HS2ST1: variants seen among roughly 807,000 people sequenced by gnomAD.
HS2ST1 encodes 2-O-sulfotransferase.
Under a neutral mutation model 42.9 loss-of-function variants are expected in HS2ST1, and 18 were observed. The observed-to-expected ratio is 0.42, with a 90% CI of 0.29 to 0.62. HS2ST1 has a LOEUF of 0.62. HS2ST1 is among the 20% of genes least tolerant of loss of function. The probability of loss-of-function intolerance (pLI) is 0.21; values close to 1 mark genes in which losing one functional copy is unlikely to be tolerated. For missense variants in HS2ST1, 334 were observed against 433.8 expected (o/e 0.77, Z 2.04); for synonymous variants, 146 against 152.9 (o/e 0.95, Z 0.33).
chr1:86,986,439 G>T (rs912627559), intron 1 of HS2ST1, among the ~76,000 whole-genome samples: 1 of 152,232 alleles, frequency 6.6e-6, no homozygotes, highest in East Asian at 1.9e-4. Flanking sequence ...AGAATAATCC[G>T]CCTCCCTGCA....
intron 1 of HS2ST1, among the ~76,000 whole-genome samples, chr1:87,001,874 A>T (rs1649296765): frequency 6.6e-6 from 1 of 152,020 alleles, no homozygotes; most frequent in African/African-American, 2.4e-5. Flanking sequence ...CGGCCTCCCA[A>T]AGTGCTGGGA....
At chr1:87,101,147 G>GTGT (rs1652188424) in intron 5 of HS2ST1, among the ~76,000 whole-genome samples, 3 of 75,892 alleles carry the variant, frequency 4.0e-5, no homozygotes, top group Non-Finnish European at 7.6e-5. Context: ...GTGTGTGTGT[G>GTGT]TGTTTTTTGT....
chr1:87,097,540 CGT>C (rs959576728), intron 4 of HS2ST1, among the ~76,000 whole-genome samples: 3 of 152,030 alleles, frequency 2.0e-5, no homozygotes, highest in Admixed American at 6.6e-5. Flanking sequence ...ACTACAGGCG[CGT>C]GCTACCACGC....
At position 86,973,779 on chromosome 1, in the gene HS2ST1, C is replaced by A. The variant is rs1648308931; in HGVS notation, c.124+58619C>A. ...AATTGATTTGAAAACCAAGGTGGTT[C>A]TCCTTGAACCCAGTTTTCCATTTAA... is the stretch of plus-strand genomic sequence containing the variant. On this transcript the variant is annotated intron_variant, in intron 1 of 6. Coordinates refer to ENST00000370550, the MANE Select transcript of HS2ST1 (RefSeq NM_012262.4). Among the ~76,000 whole-genome samples, 4 of 152,112 alleles carry A rather than the reference C, an allele frequency of 2.6e-5. No homozygotes were observed. The South Asian group carries it at 8.3e-4, about 32-fold the overall frequency.
At chr1:86,950,343 GAT>G (rs1435062018) in intron 1 of HS2ST1, among the ~76,000 whole-genome samples, 3 of 151,836 alleles carry the variant, frequency 2.0e-5, no homozygotes, top group African/African-American at 7.3e-5. Flanking sequence ...AGACTAGATA[GAT>G]ACATGGGTAG....
At chr1:86,955,126 A>G (rs1187315505) in intron 1 of HS2ST1, among the ~76,000 whole-genome samples, 2 of 152,192 alleles carry the variant, frequency 1.3e-5, no homozygotes, top group African/African-American at 4.8e-5. Flanking sequence ...AATTTGAGCT[A>G]TGAATTTGGT....
chr1:86,999,406 G>A (rs1346949331), intron 1 of HS2ST1, among the ~76,000 whole-genome samples: 1 of 152,066 alleles, frequency 6.6e-6, no homozygotes, highest in African/African-American at 2.4e-5. Flanking sequence ...TCGAACTCCC[G>A]ACTTCAGATG....
At chr1:86,994,251 C>T (rs1424512849) in intron 1 of HS2ST1, among the ~76,000 whole-genome samples, 2 of 152,118 alleles carry the variant, frequency 1.3e-5, no homozygotes, top group African/African-American at 4.8e-5. Flanking sequence ...TGCATTTCCT[C>T]CTGATGCAAT....
chr1:86,932,257 C>A (rs1368849846), intron 1 of HS2ST1: 1 of 152,014 alleles, frequency 6.6e-6, no homozygotes, highest in Non-Finnish European at 1.5e-5. Flanking sequence ...AAAATTTGAT[C>A]ACATGAGAGT....
intron 1 of HS2ST1, among the ~76,000 whole-genome samples, chr1:86,937,302 A>G (rs1366643876): frequency 6.6e-6 from 1 of 152,196 alleles, no homozygotes; most frequent in Non-Finnish European, 1.5e-5. Flanking sequence ...GCCCCTATTG[A>G]GAACCTAAAT....
intron 1 of HS2ST1, among the ~76,000 whole-genome samples, chr1:87,046,936 G>C (rs531608904): frequency 6.6e-6 from 1 of 150,784 alleles, no homozygotes; most frequent in African/African-American, 2.4e-5. Flanking sequence ...TCGAACTCCT[G>C]ACCGCAGGTG....
intron 1 of HS2ST1, among the ~76,000 whole-genome samples, chr1:86,995,514 C>T (rs1649072307): frequency 6.6e-6 from 1 of 152,090 alleles, no homozygotes; most frequent in Non-Finnish European, 1.5e-5. Flanking sequence ...TAGATGTCGA[C>T]ACTTGGGATT....
At chr1:87,095,949 T>A (rs1652051184) in intron 4 of HS2ST1, among the ~76,000 whole-genome samples, 1 of 151,514 alleles carries the variant, frequency 6.6e-6, no homozygotes. Context: ...TCTGGCTTAC[T>A]ATAGACAGCC....
intron 1 of HS2ST1, among the ~76,000 whole-genome samples, chr1:86,969,051 C>A (rs1570454142): frequency 1.3e-5 from 2 of 152,278 alleles, no homozygotes; most frequent in African/African-American, 4.8e-5. Context: ...TATATGATTT[C>A]TTGACATATA....
At chr1:86,993,677 A>T (rs2100562721) in intron 1 of HS2ST1, among the ~76,000 whole-genome samples, 1 of 152,308 alleles carries the variant, frequency 6.6e-6, no homozygotes, top group Non-Finnish European at 1.5e-5. Flanking sequence ...CAAAAGTCAG[A>T]TTAACAAAAG....
chr1:87,084,237 C>G lies in HS2ST1; in HGVS notation c.407C>G (p.Pro136Arg), dbSNP rs970360802. The G allele has an allele frequency of 6.2e-7, 1 of 1,603,988 alleles. No individual in the cohort carries two copies. Among genetic ancestry groups the G allele is most frequent in the African/African-American group, 1.3e-5 (1 of 74,550 alleles). The change falls in exon 3 of 7, where the codon CCA (proline) becomes CGA (arginine). Residue 136 changes from proline to arginine, a missense_variant. Physicochemically the swap from Pro to Arg is moderately radical, Grantham distance 103. Transcript: ENST00000370550. ...KNITSWKEMK[P>R]GFYHGHVSYL... Reference sequence around the variant, plus strand: ...ATAACTTCCTGGAAAGAGATGAAACCAGGATTTTATCATGGACACGTTTCT... The same window carrying G: ...ATAACTTCCTGGAAAGAGATGAAACGAGGATTTTATCATGGACACGTTTCT...
intron 1 of HS2ST1, among the ~76,000 whole-genome samples, chr1:87,067,084 C>T (rs1651272345): frequency 1.3e-5 from 2 of 152,158 alleles, no homozygotes; most frequent in Non-Finnish European, 2.9e-5. Context: ...TGGGTATATA[C>T]CCAGTAATGG....
At chr1:87,049,589 G>A (rs1650782934) in intron 1 of HS2ST1, among the ~76,000 whole-genome samples, 1 of 151,880 alleles carries the variant, frequency 6.6e-6, no homozygotes, top group Non-Finnish European at 1.5e-5. Flanking sequence ...TGTCTTTTCT[G>A]TTATTTTAAA....
intron 1 of HS2ST1, among the ~76,000 whole-genome samples, chr1:86,923,372 A>G (rs1229721032): frequency 1.3e-5 from 2 of 151,694 alleles, no homozygotes; most frequent in Non-Finnish European, 2.9e-5. Flanking sequence ...CAGGCAAAAA[A>G]TGAGAAAGCT....
Sources: allele counts gnomAD v4.1 joint callset (sites outside exome capture counted in the v4.1 genomes callset), GRCh38; gene constraint gnomAD v4.1.1; transcripts MANE v1.5; gene names NCBI Gene and HGNC (gene_info 2026-07-23, HGNC 2026-07-21).